Variants in OOEP observed in about 807,000 individuals in gnomAD.
OOEP encodes oocyte-expressed protein homolog.
In OOEP, 16 loss-of-function variants were observed where a neutral mutation model predicts 13.7. That is an observed-to-expected ratio of 1.16 (90% CI 0.79 to 1.77). The LOEUF is 1.77. Among genes scored for constraint, OOEP ranks in the 40% most tolerant of loss-of-function variants. The pLI is 0.00. For synonymous variants in OOEP, 89 were observed against 77.1 expected, an observed-to-expected ratio of 1.15 and a Z score of -0.81; for missense variants, 195 against 193.1, an observed-to-expected ratio of 1.01 and a Z score of -0.06.
At chr6:73,369,512 G>A in intron 1 of OOEP, 91 bp downstream of exon 1, 1 of 1,509,548 alleles carries the variant, frequency 6.6e-7, no homozygotes, top group Non-Finnish European at 9.1e-7. Context: ...CCTGGCTTGC[G>A]AATCTGGGAA....
intron 2 of OOEP, among the ~76,000 whole-genome samples, chr6:73,384,654 G>A (rs2150782325): frequency 6.6e-6 from 1 of 152,136 alleles, no homozygotes; most frequent in East Asian, 1.9e-4. Context: ...CCATGATTGT[G>A]CCACTGCACT....
chr6:73,368,640 T>A lies in OOEP; in HGVS notation c.*144A>T. On this transcript the variant is annotated 3_prime_UTR_variant, in exon 3 of 3. Transcript: ENST00000370359. ...ATTTCTTTATTAGAATAGTTCAAACTCACTCTTGCAACAAAATAAACCACA... is the reference window on the plus strand; with the variant it reads ...ATTTCTTTATTAGAATAGTTCAAACACACTCTTGCAACAAAATAAACCACA... 1 of 624,670 alleles carries A rather than the reference T, an allele frequency of 1.6e-6. No individual in the cohort carries two copies. Among genetic ancestry groups the A allele is most frequent in the Non-Finnish European group, 2.8e-6 (1 of 351,102 alleles). The allele number at this position is 624,670 out of a possible 1,614,324, so 38.7% of individuals were successfully genotyped here.
At chr6:73,369,516 C>A (rs973599608) in intron 1 of OOEP, 87 bp downstream of exon 1, 5 of 1,519,182 alleles carry the variant, frequency 3.3e-6, no homozygotes, top group Non-Finnish European at 4.5e-6. Context: ...GCTTGCGAAT[C>A]TGGGAAAGAG....
upstream of OOEP, chr6:73,373,050 T>A: frequency 7.4e-7 from 1 of 1,359,044 alleles, no homozygotes; most frequent in South Asian, 1.2e-5. Context: ...CTTGATATGG[T>A]AACATGATCG....
upstream of OOEP, among the ~76,000 whole-genome samples, chr6:73,374,811 CTATT>C (rs1769112214): frequency 6.6e-6 from 1 of 152,074 alleles, no homozygotes; most frequent in Non-Finnish European, 1.5e-5. Context: ...TCATACTTAA[CTATT>C]TATTTACTTA....
chr6:73,391,090 G>C (rs1185965966), intron 2 of OOEP: 1 of 152,102 alleles, frequency 6.6e-6, no homozygotes, highest in Non-Finnish European at 1.5e-5. Flanking sequence ...GTGTCTCTTG[G>C]CAATTTGTTC....
chr6:73,393,505 G>A (rs1266889499), intron 2 of OOEP, among the ~76,000 whole-genome samples: 1 of 152,198 alleles, frequency 6.6e-6, no homozygotes, highest in Non-Finnish European at 1.5e-5. Context: ...CTGCAGTGAC[G>A]GTAATGCTTC....
At position 73,380,964 on chromosome 6, in the gene OOEP, C is replaced by T. The variant is rs141127473; in HGVS notation, c.26-11579G>A. ...AGGAGTTCGAGACCAGCCTGGCCAA[C>T]GTGACTAAACCCTATCTCTACTAAA... On this transcript the variant is annotated intron_variant, in intron 2 of 3. Coordinates refer to the OOEP transcript ENST00000370363. 1.6e-3 allele frequency among the ~76,000 whole-genome samples: 247 copies of T among 151,916 alleles called. 1 individual carries two copies. Among genetic ancestry groups the T allele is most frequent in the African/African-American group, 5.8e-3 (241 of 41,418 alleles).
rs904201131 is a variant in OOEP at position 73,369,513 on chromosome 6, A to G, written c.190+90T>C. ...ATCACTGCAACACTCCTGGCTTGCGAATCTGGGAAAGAGACTGTAGAGAGC... is the reference window on the plus strand; with the variant it reads ...ATCACTGCAACACTCCTGGCTTGCGGATCTGGGAAAGAGACTGTAGAGAGC... On this transcript the variant is annotated intron_variant, in intron 1 of 2. Coordinates refer to ENST00000370359, the MANE Select transcript of OOEP (RefSeq NM_001080507.3). 2.0e-6 allele frequency: 3 copies of G among 1,515,504 alleles called. No individual in the cohort carries two copies. The African/African-American group carries it at 4.1e-5, about 21-fold the overall frequency. 93.9% of individuals were successfully genotyped at this position (1,515,504 alleles called of 1,614,324 possible). A position where few individuals can be genotyped will look rare whatever the true frequency, so the allele number is the denominator to read the frequency against.
At position 73,388,410 on chromosome 6, in the gene OOEP, T is replaced by A. The variant is rs576933638; in HGVS notation, c.25+5936A>T. 5.9e-5 allele frequency among the ~76,000 whole-genome samples: 9 copies of A among 152,342 alleles called. No homozygotes were observed. The South Asian group carries it at 1.7e-3, about 28-fold the overall frequency. Reference sequence around the variant, plus strand: ...GAAGAAAACTCAGAAGGACCAAATTTATCTCTGGGTAATACTTTTATTTTT... The same window carrying A: ...GAAGAAAACTCAGAAGGACCAAATTAATCTCTGGGTAATACTTTTATTTTT... On this transcript the variant is annotated intron_variant, in intron 2 of 3. Coordinates refer to the OOEP transcript ENST00000370363.
intron 2 of OOEP, among the ~76,000 whole-genome samples, chr6:73,384,739 CTTTT>C (rs772710975): frequency 7.2e-6 from 1 of 139,124 alleles, no homozygotes. Flanking sequence ...ACAAACAAAC[CTTTT>C]TTTTTTTTTT....
At chr6:73,372,808 G>A (rs560282922), upstream of OOEP, among the ~76,000 whole-genome samples, 10 of 152,072 alleles carry the variant, frequency 6.6e-5, no homozygotes, top group African/African-American at 2.4e-4. Context: ...TGGGCCTGAC[G>A]CCAGCCCGAG....
intron 2 of OOEP, among the ~76,000 whole-genome samples, chr6:73,376,359 T>G (rs200593124): frequency 0.08 from 11,776 of 146,918 alleles, 635 homozygotes; most frequent in South Asian, 0.13. Context: ...TTTTTTTTTT[T>G]TTTTTTTTTT....
chr6:73,369,860 G>C lies in OOEP; in HGVS notation c.-68C>G, dbSNP rs1769020444. ...CAAGACCTCTTCCAGACCCAGGCGCGAAGCTCGGGCTCTCTTTTACCATAT... is the reference window on the plus strand; with the variant it reads ...CAAGACCTCTTCCAGACCCAGGCGCCAAGCTCGGGCTCTCTTTTACCATAT... On this transcript the variant is annotated 5_prime_UTR_variant, in exon 1 of 3. Transcript: ENST00000370359. 12 of 1,433,760 alleles carry C rather than the reference G, an allele frequency of 8.4e-6. No homozygotes were observed. In the East Asian group the frequency reaches 2.5e-4, roughly 30 times the overall value. The allele number at this position is 1,433,760 out of a possible 1,614,324, so 88.8% of individuals were successfully genotyped here. A position where few individuals can be genotyped will look rare whatever the true frequency, so the allele number is the denominator to read the frequency against.
upstream of OOEP, among the ~76,000 whole-genome samples, chr6:73,374,589 T>G (rs118008732): frequency 0.021 from 3,222 of 152,210 alleles, 56 homozygotes; most frequent in Non-Finnish European, 0.036. Flanking sequence ...GTCTGGAGTT[T>G]TTTGTTTTTG....
chr6:73,374,603 T>A (rs1385645718), upstream of OOEP, among the ~76,000 whole-genome samples: 2 of 152,166 alleles, frequency 1.3e-5, no homozygotes, highest in Non-Finnish European at 2.9e-5. Context: ...GTTTTTGTTT[T>A]TTGAGATGTG....
In OOEP at chr6:73,369,846, C is replaced by T. The variant is rs1769019934; in HGVS notation, c.-54G>A. The T allele has an allele frequency of 2.0e-6, 3 of 1,522,228 alleles. No individual in the cohort carries two copies. Among genetic ancestry groups the T allele is most frequent in the African/African-American group, 2.7e-5 (2 of 73,130 alleles). 94.3% of individuals were successfully genotyped at this position (1,522,228 alleles called of 1,614,324 possible). A position where few individuals can be genotyped will look rare whatever the true frequency, so the allele number is the denominator to read the frequency against. ...CGAGGCGGCTTTCGCAAGACCTCTTCCAGACCCAGGCGCGAAGCTCGGGCT... is the reference window on the plus strand; with the variant it reads ...CGAGGCGGCTTTCGCAAGACCTCTTTCAGACCCAGGCGCGAAGCTCGGGCT... On this transcript the variant is annotated 5_prime_UTR_variant, in exon 1 of 3. Coordinates refer to ENST00000370359, the MANE Select transcript of OOEP (RefSeq NM_001080507.3).
Position 73,369,190 on chromosome 6 carries a change from T to C in OOEP, c.370+16A>G, listed in dbSNP as rs1424348424. On this transcript the variant is annotated intron_variant, in intron 2 of 2. Coordinates refer to ENST00000370359, the MANE Select transcript of OOEP (RefSeq NM_001080507.3). ...CTCGTGGCTTCCTCCACATGCAGGT[T>C]CTCAAAGACCCTCACCTCGGGCACG... is the stretch of plus-strand genomic sequence containing the variant. 2 of 1,600,534 alleles carry C rather than the reference T, an allele frequency of 1.2e-6. No individual in the cohort carries two copies. The highest frequency in any genetic ancestry group is 2.2e-5 in the South Asian group (2 of 89,538).
upstream of OOEP, chr6:73,373,009 C>T (rs1769084446): frequency 1.4e-5 from 14 of 1,001,756 alleles, no homozygotes; most frequent in Non-Finnish European, 1.9e-5. Flanking sequence ...GAAAACACGT[C>T]GAAATCTCCA....
Sources: gnomAD v4.1 joint callset for allele counts (sites outside exome capture counted in the v4.1 genomes callset) on GRCh38, gnomAD v4.1.1 for gene constraint, MANE v1.5 for transcripts, NCBI Gene and HGNC (gene_info 2026-07-23, HGNC 2026-07-21) for gene names.